TRMT44: variants seen among roughly 807,000 people sequenced by gnomAD.
The protein encoded by TRMT44 is probable tRNA (uracil-O(2)-)-methyltransferase.
A neutral mutation model predicts 77.3 loss-of-function variants in TRMT44; 78 were observed. The ratio of observed to expected loss-of-function variants is 1.01; its 90% CI spans 0.84 to 1.22. TRMT44 has a LOEUF of 1.22. TRMT44 is among the 50% of genes most tolerant of loss of function. TRMT44 has a pLI of 0.00. For missense variants in TRMT44, 1,090 were observed against 964.4 expected (o/e 1.13, Z -1.73); for synonymous variants, 391 against 383.3 (o/e 1.02, Z -0.23).
chr4:8,441,550 G>A (rs1362477786), intron 1 of TRMT44, 109 bp downstream of exon 1: 61 of 1,321,080 alleles, frequency 4.6e-5, no homozygotes, highest in Non-Finnish European at 5.6e-5. Flanking sequence ...GATGTCCTAG[G>A]GAGGTTGTTA....
chr4:8,468,012 T>A lies in TRMT44; in HGVS notation c.1593T>A (p.Pro531=), dbSNP rs749970552. Reference sequence around the variant, plus strand: ...ACATTAAGAGCAGGCGGGGCTGCCCTGTAAGCCCACCTGGCTGGGAGCTTT... The same window carrying A: ...ACATTAAGAGCAGGCGGGGCTGCCCAGTAAGCCCACCTGGCTGGGAGCTTT... ...TQYIKSRRGC[P]VSPPGWELSP... is the part of the protein sequence containing the mutation. The change falls in exon 9 of 11, where the codon CCT becomes CCA. Residue 531 remains proline, a synonymous_variant. Transcript: ENST00000389737. 6.2e-7 allele frequency: 1 copy of A among 1,614,070 alleles called. No homozygotes were observed. The highest frequency in any genetic ancestry group is 8.5e-7 in the Non-Finnish European group (1 of 1,180,042).
rs533799281 is a variant in TRMT44, at chr4:8,471,091, A to C, written c.1935A>C (p.Leu645=). Residue 645 remains leucine (L), a synonymous_variant, in exon 10 of 11, where the codon CTA becomes CTC. Transcript: ENST00000389737. ...AAACCCGTTTTTCCACAGAGAGCCT[A>C]TCTCTGGCAGAAGTAGCCAACGAGC... ...SLKTWNGGES[L]SLAEVANELD... The C allele has an allele frequency of 3.1e-6, 5 of 1,594,344 alleles. No homozygotes were observed. The highest frequency in any genetic ancestry group is 1.8e-5 in the Admixed American group (1 of 55,586).
chr4:8,485,381 T>A (rs1227193660), intron 2 of TRMT44, among the ~76,000 whole-genome samples: 5 of 152,228 alleles, frequency 3.3e-5, no homozygotes, highest in African/African-American at 9.6e-5. Flanking sequence ...GATCCTGAAC[T>A]AATCTGTAAG....
At chr4:8,491,825 T>C (rs1288669943) in intron 2 of TRMT44, among the ~76,000 whole-genome samples, 1 of 152,238 alleles carries the variant, frequency 6.6e-6, no homozygotes, top group African/African-American at 2.4e-5. Flanking sequence ...GGGAGCCAGC[T>C]GTGGCCTTGG....
the TRMT44 span, among the ~76,000 whole-genome samples, chr4:8,516,237 AGCATC>A: frequency 6.6e-6 from 1 of 152,112 alleles, no homozygotes; most frequent in Non-Finnish European, 1.5e-5. Context: ...CGGCCACAAG[AGCATC>A]GCCCCCTCGA....
At chr4:8,492,825 C>T (rs1000468709) in intron 2 of TRMT44, among the ~76,000 whole-genome samples, 3 of 152,178 alleles carry the variant, frequency 2.0e-5, no homozygotes, top group East Asian at 1.9e-4. Context: ...GAAGTCCCCT[C>T]CCTGCTTCGA....
downstream of TRMT44, chr4:8,478,708 G>A (rs1472098913): frequency 1.3e-5 from 2 of 152,286 alleles, no homozygotes; most frequent in African/African-American, 2.4e-5. Context: ...AGGTGGGATC[G>A]AGGGAATGCC....
In TRMT44 at chr4:8,461,260, G is replaced by A. The variant is rs139191374; in HGVS notation, c.1204-2725G>A. On this transcript the variant is annotated intron_variant, in intron 6 of 10. Transcript: ENST00000389737. This position sits in a 1 kb window ranked among gnomAD's most constrained non-coding sequence, Gnocchi z 4.6. ...GAAATGTTTTCAAAACCTCAGGTTT[G>A]AGGAATGTTGGTAATCTAGCCAGTG... Among the ~76,000 whole-genome samples the A allele has an allele frequency of 3.9e-3, 600 of 152,318 alleles. 4 individuals carry two copies. Among genetic ancestry groups the A allele is most frequent in the Middle Eastern group, 0.02 (6 of 294 alleles).
In TRMT44 at chr4:8,452,128, G is replaced by A. The variant is rs769797210; in HGVS notation, c.1023+100G>A. The A allele has an allele frequency of 9.3e-5, 101 of 1,086,336 alleles. No homozygotes were observed. In the African/African-American group the frequency reaches 1.2e-3, roughly 13 times the overall value. 67.3% of individuals were successfully genotyped at this position (1,086,336 alleles called of 1,614,324 possible). ...GACATTTTCCAAATCCATAACTGCC[G>A]GTGCTCACAATTCTGCTGGCCAAGG... On this transcript the variant is annotated intron_variant, in intron 4 of 10. Coordinates refer to ENST00000389737, the MANE Select transcript of TRMT44 (RefSeq NM_152544.3). The surrounding 1 kb of genome is among the most constrained non-coding windows in gnomAD (Gnocchi z 5.7).
chr4:8,471,136 G>A lies in TRMT44; in HGVS notation c.1980G>A (p.Arg660=). 1 of 1,609,366 alleles carries A rather than the reference G, an allele frequency of 6.2e-7. No homozygotes were observed. Among genetic ancestry groups the A allele is most frequent in the Non-Finnish European group, 8.5e-7 (1 of 1,177,508 alleles). ...VANELDTETL[R]RLKRECGGLQ... The stretch of plus-strand genomic sequence containing the variant: ...ACGAGCTGGACACGGAGACCCTGCG[G>A]AGGCTGAAGCGGGAGTGTGGGGGCC... The change falls in exon 10 of 11, where the codon CGG becomes CGA. Residue 660 remains arginine, a synonymous_variant. Transcript: ENST00000389737.
chr4:8,450,001 C>CAA (rs1248649912), intron 3 of TRMT44, 113 bp downstream of exon 3: 15 of 598,630 alleles, frequency 2.5e-5, no homozygotes, highest in South Asian at 9.2e-5. Context: ...GTCACCCCCC[C>CAA]AAAAAAAAGG....
In TRMT44 at chr4:8,446,331, A is replaced by C; in HGVS notation, c.620-145A>C. 3.3e-6 allele frequency: 2 copies of C among 603,046 alleles called. No individual in the cohort carries two copies. Among genetic ancestry groups the C allele is most frequent in the Non-Finnish European group, 5.9e-6 (2 of 341,586 alleles). The allele number at this position is 603,046 out of a possible 1,614,324, so 37.4% of individuals were successfully genotyped here. ...GGCTGTAGCAGTGAATGAAAGGCAA[A>C]AGTTCCTCTCCTGGAGTGCCATTGT... On this transcript the variant is annotated intron_variant, in intron 1 of 10. Transcript: ENST00000389737. The surrounding 1 kb of genome is among the most constrained non-coding windows in gnomAD (Gnocchi z 4.3).
intron 5 of TRMT44, chr4:8,454,342 A>G (rs905088367): frequency 1.0e-5 from 2 of 196,874 alleles, no homozygotes; most frequent in Admixed American, 1.1e-4. Flanking sequence ...TCTGTTTTAG[A>G]CAGCTGAGAA....
At chr4:8,500,935 G>A in the TRMT44 span, among the ~76,000 whole-genome samples, 1 of 152,178 alleles carries the variant, frequency 6.6e-6, no homozygotes. Flanking sequence ...GTGCTGGGAA[G>A]ACAGGTGTGT....
intron 6 of TRMT44, among the ~76,000 whole-genome samples, chr4:8,455,871 T>C (rs1266801294): frequency 6.6e-6 from 1 of 152,214 alleles, no homozygotes; most frequent in Non-Finnish European, 1.5e-5. Context: ...GAAAATTTTA[T>C]TGGAAATTTG....
intron 6 of TRMT44, among the ~76,000 whole-genome samples, chr4:8,462,394 A>G (rs1315125753): frequency 2.0e-5 from 3 of 149,258 alleles, no homozygotes; most frequent in Non-Finnish European, 4.4e-5. Flanking sequence ...CTAGGCAACA[A>G]GAGCGATACT....
chr4:8,464,162 G>A (rs964704782), intron 7 of TRMT44, 71 bp downstream of exon 7: 26 of 1,271,412 alleles, frequency 2.0e-5, no homozygotes, highest in Non-Finnish European at 2.9e-5. Flanking sequence ...GTGTCCAAAA[G>A]GGTAGCCACT....
intron 10 of TRMT44, among the ~76,000 whole-genome samples, chr4:8,474,489 C>G (rs1442127805): frequency 2.0e-5 from 3 of 152,196 alleles, no homozygotes; most frequent in Non-Finnish European, 4.4e-5. Flanking sequence ...GGTGAGCCCC[C>G]AACTGTGGCG....
intron 7 of TRMT44, 52 bp from the exon 8 acceptor site, chr4:8,465,326 G>T (rs1489180765): frequency 2.6e-6 from 4 of 1,529,490 alleles, no homozygotes; most frequent in Non-Finnish European, 3.5e-6. Flanking sequence ...GAATTTCCTT[G>T]ACTGCGTCTG....
Sources: gnomAD v4.1 joint callset for allele counts (sites outside exome capture counted in the v4.1 genomes callset) on GRCh38, gnomAD v4.1.1 for gene constraint, Gnocchi (gnomAD v3.1) non-coding constraint, MANE v1.5 for transcripts, NCBI Gene and HGNC (gene_info 2026-07-23, HGNC 2026-07-21) for gene names.